UVSSA: variants seen among roughly 807,000 people sequenced by gnomAD.
The protein encoded by UVSSA is UV stimulated scaffold protein A.
Under a neutral mutation model 73.9 loss-of-function variants are expected in UVSSA, and 72 were observed. That is an observed-to-expected ratio of 0.97 (90% CI 0.81 to 1.19). The LOEUF (loss-of-function observed/expected upper bound fraction) is 1.19, where lower values mean the gene tolerates loss of function less well. Ranked by LOEUF, UVSSA falls within the 50% of genes most tolerant of loss-of-function variation. The pLI is 0.00. For synonymous variants in UVSSA, 454 were observed against 391.3 expected, an observed-to-expected ratio of 1.16 and a Z score of -1.89; for missense variants, 1,150 against 965.0, an observed-to-expected ratio of 1.19 and a Z score of -2.54.
At chr4:1,379,184 C>T (rs1236835313) in intron 10 of UVSSA, among the ~76,000 whole-genome samples, 1 of 152,228 alleles carries the variant, frequency 6.6e-6, no homozygotes, top group African/African-American at 2.4e-5. Flanking sequence ...AATGAGCAGC[C>T]TCTCATCACT....
intron 8 of UVSSA, among the ~76,000 whole-genome samples, chr4:1,370,539 C>T (rs943852787): frequency 6.6e-5 from 10 of 152,262 alleles, no homozygotes; most frequent in East Asian, 1.9e-4. Context: ...CAGCCGTGCA[C>T]GGCTTAGAGG....
intron 10 of UVSSA, among the ~76,000 whole-genome samples, chr4:1,376,887 G>A (rs1289693997): frequency 6.6e-6 from 1 of 152,180 alleles, no homozygotes; most frequent in Non-Finnish European, 1.5e-5. Flanking sequence ...TCCTGGGATG[G>A]AAGGTCACCC....
At position 1,355,234 on chromosome 4, in the gene UVSSA, G is replaced by A. The variant is rs766356023; in HGVS notation, c.1165G>A (p.Glu389Lys). 9 of 1,611,692 alleles carry A rather than the reference G, an allele frequency of 5.6e-6. No individual in the cohort carries two copies. In the African/African-American group the frequency reaches 1.1e-4, roughly 19 times the overall value. ...KELDIEPEGGERRRTEALGDA... is the reference protein window; with the variant it reads ...KELDIEPEGGKRRRTEALGDA... ...GCTGGACATCGAGCCTGAGGGAGGG[G>A]AAAGGCGCAGGGTGAGTGGGCAGGC... The change falls in exon 7 of 14, where the codon GAA becomes AAA. Residue 389 changes from glutamate to lysine, a missense_variant. Transcript: ENST00000389851.
chr4:1,345,594 G>C (rs1287847947), upstream of UVSSA, among the ~76,000 whole-genome samples: 4 of 141,244 alleles, frequency 2.8e-5, no homozygotes, highest in African/African-American at 8.4e-5. Flanking sequence ...GCAGTGAACC[G>C]CGATCGTGCC....
At chr4:1,367,127 GC>G in intron 8 of UVSSA, among the ~76,000 whole-genome samples, 1 of 152,328 alleles carries the variant, frequency 6.6e-6, no homozygotes, top group East Asian at 1.9e-4. Context: ...ACGGCAAGGG[GC>G]TCTTCTCACT....
At chr4:1,370,158 G>A (rs776150687) in intron 8 of UVSSA, among the ~76,000 whole-genome samples, 5 of 152,114 alleles carry the variant, frequency 3.3e-5, no homozygotes, top group Non-Finnish European at 5.9e-5. Flanking sequence ...TTTCATTCTT[G>A]TAACTCTTAG....
chr4:1,346,242 G>T (rs891102212), upstream of UVSSA, among the ~76,000 whole-genome samples: 2 of 152,232 alleles, frequency 1.3e-5, no homozygotes, highest in Admixed American at 6.5e-5. Context: ...TACCACCACC[G>T]TAATGCAAGG....
intron 8 of UVSSA, among the ~76,000 whole-genome samples, chr4:1,370,059 G>C (rs1717839776): frequency 6.6e-6 from 1 of 152,264 alleles, no homozygotes; most frequent in Admixed American, 6.5e-5. Flanking sequence ...GCAAGTGGGA[G>C]TGTGTTTAGT....
intron 13 of UVSSA, chr4:1,385,017 G>C (rs1319590505): frequency 6.6e-6 from 1 of 152,332 alleles, no homozygotes; most frequent in Non-Finnish European, 1.5e-5. Flanking sequence ...TGGAGCTCAG[G>C]GTGAGGCTGT....
chr4:1,348,318 G>T, intron 2 of UVSSA, 129 bp downstream of exon 2: 1 of 715,452 alleles, frequency 1.4e-6, no homozygotes, highest in African/African-American at 1.8e-5. Context: ...TTTTCTCGGG[G>T]CCCTGCAGTA....
chr4:1,349,538 A>G lies in UVSSA; in HGVS notation c.113A>G (p.Gln38Arg). ...LKKICKSSEEQLSRAYRLLIA... is the reference protein window; with the variant it reads ...LKKICKSSEERLSRAYRLLIA... The stretch of plus-strand genomic sequence containing the variant: ...CGCATCCCCAGGTCTTCAGAGGAGC[A>G]GCTGAGCCGCGCCTACCGCCTGCTG... Residue 38 changes from glutamine (Q) to arginine (R), a missense_variant, in exon 3 of 14, where the codon CAG becomes CGG. Coordinates refer to ENST00000389851, the MANE Select transcript of UVSSA (RefSeq NM_020894.4). 1.2e-6 allele frequency: 2 copies of G among 1,612,990 alleles called. No individual in the cohort carries two copies. Among genetic ancestry groups the G allele is most frequent in the Non-Finnish European group, 1.7e-6 (2 of 1,179,558 alleles).
rs1720506760 is a variant in UVSSA, at chr4:1,395,131, T to G, written c.*9170T>G. On this transcript the variant is annotated 3_prime_UTR_variant, in exon 14 of 14. Transcript: ENST00000511216. Reference sequence around the variant, plus strand: ...CCTGCTCACACGTGCCGATGTGGAGTGCCTGCCTGCTCACACGTGCCCATG... The same window carrying G: ...CCTGCTCACACGTGCCGATGTGGAGGGCCTGCCTGCTCACACGTGCCCATG... The G allele has an allele frequency of 2.4e-6, 3 of 1,270,972 alleles. 1 individual carries two copies. The highest frequency in any genetic ancestry group is 3.2e-6 in the Non-Finnish European group (3 of 925,694). 78.7% of individuals were successfully genotyped at this position (1,270,972 alleles called of 1,614,324 possible).
chr4:1,359,301 CTGGATCAA>C (rs1716268609), intron 7 of UVSSA: 2 of 152,150 alleles, frequency 1.3e-5, no homozygotes, highest in South Asian at 4.1e-4. Flanking sequence ...GGTGAATCTC[CTGGATCAA>C]TGTGCAGCGT....
Position 1,347,584 on chromosome 4 carries a change from G to C in UVSSA, c.-179G>C, listed in dbSNP as rs946481993. ...TCCTTCGGCCTTTCCCTGGCGGTGC[G>C]GCAGGCCCTCGCCTCATCCCACCAG... On this transcript the variant is annotated 5_prime_UTR_variant, in exon 1 of 14. Coordinates refer to ENST00000389851, the MANE Select transcript of UVSSA (RefSeq NM_020894.4). 2 of 152,618 alleles carry C rather than the reference G, an allele frequency of 1.3e-5. No individual in the cohort carries two copies. Among genetic ancestry groups the C allele is most frequent in the Non-Finnish European group, 2.9e-5 (2 of 68,254 alleles). The allele number at this position is 152,618 out of a possible 1,614,324, so 9.5% of individuals were successfully genotyped here. A position where few individuals can be genotyped will look rare whatever the true frequency, so the allele number is the denominator to read the frequency against.
chr4:1,354,874 G>A (rs1560434682), intron 6 of UVSSA, 27 bp downstream of exon 6: 8 of 1,562,544 alleles, frequency 5.1e-6, no homozygotes, highest in Non-Finnish European at 6.1e-6. Flanking sequence ...GGACCTGTGG[G>A]TGGAGGGACG....
At chr4:1,358,016 A>C (rs1311857142) in intron 7 of UVSSA, 3 of 152,302 alleles carry the variant, frequency 2.0e-5, no homozygotes, top group Non-Finnish European at 4.4e-5. Flanking sequence ...AGTGACTCTC[A>C]CATGAGCATC....
At chr4:1,342,202 T>C (rs930902126), upstream of UVSSA, among the ~76,000 whole-genome samples, 7 of 152,242 alleles carry the variant, frequency 4.6e-5, no homozygotes, top group Admixed American at 2.0e-4. Flanking sequence ...AAGTTGGTGG[T>C]AGTGTTTTAC....
intron 8 of UVSSA, among the ~76,000 whole-genome samples, chr4:1,373,510 A>G (rs1718386852): frequency 1.3e-5 from 2 of 152,292 alleles, no homozygotes; most frequent in South Asian, 2.1e-4. Flanking sequence ...AATACTTTGT[A>G]TCCTTCAATC....
At chr4:1,380,626 A>G (rs1351493897) in intron 11 of UVSSA, 2 of 1,512,282 alleles carry the variant, frequency 1.3e-6, no homozygotes, top group South Asian at 1.2e-5. Context: ...GCCATGCTGG[A>G]TGAGGGAGGC....
Sources: gnomAD v4.1 joint callset for allele counts (sites outside exome capture counted in the v4.1 genomes callset) on GRCh38, gnomAD v4.1.1 for gene constraint, MANE v1.5 for transcripts, NCBI Gene and HGNC (gene_info 2026-07-23, HGNC 2026-07-21) for gene names.